SLC25A34: variants seen among roughly 807,000 people sequenced by gnomAD.
The protein encoded by SLC25A34 is solute carrier family 25, member 34.
Under a neutral mutation model 28.1 loss-of-function variants are expected in SLC25A34, and 26 were observed. The observed-to-expected ratio is 0.93, with a 90% CI of 0.68 to 1.28. The LOEUF is 1.28. SLC25A34 is among the 50% of genes most tolerant of loss of function. SLC25A34 has a pLI of 0.00. For missense variants in SLC25A34, 384 were observed against 409.8 expected (o/e 0.94, Z 0.54); for synonymous variants, 182 against 182.2 (o/e 1.00, Z 0.01).
Position 15,736,547 on chromosome 1 carries a change from G to C in SLC25A34, c.62G>C (p.Cys21Ser). The C allele has an allele frequency of 6.9e-7, 1 of 1,455,624 alleles. No homozygotes were observed. The highest frequency in any genetic ancestry group is 9.1e-7 in the Non-Finnish European group (1 of 1,103,564). The allele number at this position is 1,455,624 out of a possible 1,614,324, so 90.2% of individuals were successfully genotyped here. ...VLGASACCLA[C>S]VFTNPLEVVK... ...GGTGCTTCTGCCTGCTGCCTGGCCT[G>C]TGTCTTCACCAACCCCCTGGAGGTG... Residue 21 changes from cysteine (C) to serine (S), a missense_variant, in exon 1 of 5, where the codon TGT (cysteine) becomes TCT (serine). Cys to Ser is a moderately radical substitution (Grantham distance 112). Coordinates refer to ENST00000294454, the MANE Select transcript of SLC25A34 (RefSeq NM_207348.3).
rs1469934494 is a variant in SLC25A34, at chr1:15,736,650, C to T, written c.165C>T (p.Ala55=). Residue 55 remains alanine (A), a synonymous_variant, in exon 1 of 5, where the codon GCC becomes GCT. Coordinates refer to ENST00000294454, the MANE Select transcript of SLC25A34 (RefSeq NM_207348.3). Reference sequence around the variant, plus strand: ...CACGGCCCTACCATGGCTTCATAGCCTCTGTCGCTGCTGTGGCCCGAGCAG... The same window carrying T: ...CACGGCCCTACCATGGCTTCATAGCTTCTGTCGCTGCTGTGGCCCGAGCAG... ...TYPRPYHGFI[A]SVAAVARADG... is the part of the protein sequence containing the mutation. The T allele has an allele frequency of 1.3e-6, 2 of 1,594,724 alleles. No homozygotes were observed. The highest frequency in any genetic ancestry group is 1.3e-5 in the African/African-American group (1 of 74,376).
Position 15,739,521 on chromosome 1 carries a change from G to A in SLC25A34, c.*115G>A. 7.8e-7 allele frequency: 1 copy of A among 1,282,338 alleles called. No homozygotes were observed. Among genetic ancestry groups the A allele is most frequent in the Non-Finnish European group, 1.0e-6 (1 of 966,340 alleles). The allele number at this position is 1,282,338 out of a possible 1,614,324, so 79.4% of individuals were successfully genotyped here. On this transcript the variant is annotated 3_prime_UTR_variant, in exon 5 of 5. Coordinates refer to ENST00000294454, the MANE Select transcript of SLC25A34 (RefSeq NM_207348.3). ...GCCATGGGCCCAGGCCCTGCCAGAG[G>A]TCCCGGGAGAGTGTGGACAGCTCTG...
At chr1:15,738,033 A>G (rs1252895549) in intron 2 of SLC25A34, 39 bp downstream of exon 2, 2 of 1,613,700 alleles carry the variant, frequency 1.2e-6, no homozygotes, top group South Asian at 2.2e-5. Flanking sequence ...GGGGGCATGG[A>G]TTGGGCATGC....
intron 3 of SLC25A34, 75 bp from the exon 4 acceptor site, chr1:15,738,519 G>C: frequency 6.5e-7 from 1 of 1,546,058 alleles, no homozygotes; most frequent in Non-Finnish European, 8.7e-7. Context: ...CCCCTGTGTG[G>C]TAGGAGGCCG....
chr1:15,736,580 C>T lies in SLC25A34; in HGVS notation c.95C>T (p.Thr32Met), dbSNP rs371675800. 4.0e-5 allele frequency: 61 copies of T among 1,516,108 alleles called. No homozygotes were observed. The highest frequency in any genetic ancestry group is 7.4e-5 in the East Asian group (3 of 40,624). 93.9% of individuals were successfully genotyped at this position (1,516,108 alleles called of 1,614,324 possible). The change falls in exon 1 of 5, where the codon ACG (threonine) becomes ATG (methionine). Residue 32 changes from threonine (T) to methionine (M), a missense_variant. Transcript: ENST00000294454. Reference protein sequence around the residue: ...VFTNPLEVVKTRLQLQGELQA... With the variant: ...VFTNPLEVVKMRLQLQGELQA... ...ACCAACCCCCTGGAGGTGGTGAAGACGCGGCTGCAGCTGCAGGGGGAGCTG... is the reference window on the plus strand; with the variant it reads ...ACCAACCCCCTGGAGGTGGTGAAGATGCGGCTGCAGCTGCAGGGGGAGCTG...
chr1:15,739,379 T>G lies in SLC25A34; in HGVS notation c.888T>G (p.Ala296=), dbSNP rs1017665507. The G allele has an allele frequency of 1.2e-5, 19 of 1,561,546 alleles. No homozygotes were observed. The highest frequency in any genetic ancestry group is 1.6e-5 in the Non-Finnish European group (19 of 1,154,276). Residue 296 remains alanine (A), a synonymous_variant, in exon 5 of 5, where the codon GCT becomes GCG. Coordinates refer to ENST00000294454, the MANE Select transcript of SLC25A34 (RefSeq NM_207348.3). ...MLFWDELRKL[A]GRAQHKGT is the part of the protein sequence containing the mutation. ...TCTGGGACGAGCTTCGGAAACTGGC[T>G]GGGCGGGCCCAGCACAAGGGCACCT...
chr1:15,736,976 C>G, intron 1 of SLC25A34, 113 bp downstream of exon 1: 86 of 1,173,484 alleles, frequency 7.3e-5, no homozygotes, highest in Non-Finnish European at 8.5e-5. Context: ...GTGGGGCAGC[C>G]GGGGTGGGGC....
In SLC25A34 at chr1:15,738,137, C is replaced by T. The variant is rs749352608; in HGVS notation, c.489C>T (p.Leu163=). 1 of 1,607,688 alleles carries T rather than the reference C, an allele frequency of 6.2e-7. No individual in the cohort carries two copies. The highest frequency in any genetic ancestry group is 1.3e-5 in the African/African-American group (1 of 74,922). The change falls in exon 3 of 5, where the codon CTC becomes CTT. Residue 163 remains leucine (L), a synonymous_variant. Coordinates refer to ENST00000294454, the MANE Select transcript of SLC25A34 (RefSeq NM_207348.3). ...AGACCATCTGGCGGCAGCAAGGGCT[C>T]TTGGGGCTGTGGCAGGGCGTTGGTG... is the stretch of plus-strand genomic sequence containing the variant. ...ALETIWRQQG[L]LGLWQGVGGA... is the part of the protein sequence containing the mutation.
Position 15,736,564 on chromosome 1 carries a change from C to G in SLC25A34, c.79C>G (p.Leu27Val). Reference sequence around the variant, plus strand: ...CCTGGCCTGTGTCTTCACCAACCCCCTGGAGGTGGTGAAGACGCGGCTGCA... The same window carrying G: ...CCTGGCCTGTGTCTTCACCAACCCCGTGGAGGTGGTGAAGACGCGGCTGCA... ...CCLACVFTNP[L>V]EVVKTRLQLQ... Residue 27 changes from leucine (L) to valine (V), a missense_variant, in exon 1 of 5, where the codon CTG becomes GTG. Physicochemically the swap from Leu to Val is conservative, Grantham distance 32. Transcript: ENST00000294454. 6.7e-7 allele frequency: 1 copy of G among 1,497,706 alleles called. No homozygotes were observed. The highest frequency in any genetic ancestry group is 1.3e-5 in the South Asian group (1 of 74,710). 92.8% of individuals were successfully genotyped at this position (1,497,706 alleles called of 1,614,324 possible). A position where few individuals can be genotyped will look rare whatever the true frequency, so the allele number is the denominator to read the frequency against.
In SLC25A34 at chr1:15,736,571, T is replaced by G. The variant is rs1342061101; in HGVS notation, c.86T>G (p.Val29Gly). The G allele has an allele frequency of 1.3e-6, 2 of 1,500,370 alleles. No homozygotes were observed. Among genetic ancestry groups the G allele is most frequent in the Middle Eastern group, 4.0e-4 (2 of 5,010 alleles). 92.9% of individuals were successfully genotyped at this position (1,500,370 alleles called of 1,614,324 possible). The change falls in exon 1 of 5, where the codon GTG becomes GGG. Residue 29 changes from valine (V) to glycine (G), a missense_variant. Coordinates refer to ENST00000294454, the MANE Select transcript of SLC25A34 (RefSeq NM_207348.3). Reference sequence around the variant, plus strand: ...TGTGTCTTCACCAACCCCCTGGAGGTGGTGAAGACGCGGCTGCAGCTGCAG... The same window carrying G: ...TGTGTCTTCACCAACCCCCTGGAGGGGGTGAAGACGCGGCTGCAGCTGCAG... ...LACVFTNPLE[V>G]VKTRLQLQGE...
At chr1:15,737,674 AC>A (rs2068238067) in intron 1 of SLC25A34, 1 of 541,350 alleles carries the variant, frequency 1.8e-6, no homozygotes, top group African/African-American at 1.9e-5. Context: ...AATCCTCAGA[AC>A]AGCTTTCCAA....
rs752359929 is a variant in SLC25A34, at chr1:15,736,427, A to G, written c.-59A>G. 2 of 1,374,232 alleles carry G rather than the reference A, an allele frequency of 1.5e-6. No individual in the cohort carries two copies. Among genetic ancestry groups the G allele is most frequent in the Non-Finnish European group, 1.9e-6 (2 of 1,068,538 alleles). 85.1% of individuals were successfully genotyped at this position (1,374,232 alleles called of 1,614,324 possible). A position where few individuals can be genotyped will look rare whatever the true frequency, so the allele number is the denominator to read the frequency against. On this transcript the variant is annotated 5_prime_UTR_variant, in exon 1 of 5. Transcript: ENST00000294454. Reference sequence around the variant, plus strand: ...GGTTACAGACAGCCTAAACGCCACCACCACAGGGCCTGTGCCGTGCCCCTG... The same window carrying G: ...GGTTACAGACAGCCTAAACGCCACCGCCACAGGGCCTGTGCCGTGCCCCTG...
chr1:15,737,582 AGG>A (rs1322062056), intron 1 of SLC25A34, among the ~76,000 whole-genome samples: 3 of 146,858 alleles, frequency 2.0e-5, no homozygotes, highest in African/African-American at 7.9e-5. Flanking sequence ...AAAAAAAAAA[AGG>A]AAAGAAAGAA....
At position 15,736,366 on chromosome 1, in the gene SLC25A34, C is replaced by T. The variant is rs552661523; in HGVS notation, c.-120C>T. On this transcript the variant is annotated 5_prime_UTR_variant, in exon 1 of 5. Coordinates refer to ENST00000294454, the MANE Select transcript of SLC25A34 (RefSeq NM_207348.3). ...GACCCTTACCCTCTAGACATGGCCT[C>T]GGTCCCCTGCAAACCCCAGCCCCGT... 2.3e-4 allele frequency: 260 copies of T among 1,137,334 alleles called. No individual in the cohort carries two copies. Among genetic ancestry groups the T allele is most frequent in the African/African-American group, 1.6e-3 (98 of 61,892 alleles). 70.5% of individuals were successfully genotyped at this position (1,137,334 alleles called of 1,614,324 possible).
intron 4 of SLC25A34, 122 bp downstream of exon 4, chr1:15,738,850 A>G: frequency 7.8e-7 from 1 of 1,289,954 alleles, no homozygotes. Context: ...ACACGCAGAC[A>G]CAGGCCAGGT....
Position 15,738,720 on chromosome 1 carries a change from G to A in SLC25A34, c.724G>A (p.Ala242Thr). 6.3e-7 allele frequency: 1 copy of A among 1,575,158 alleles called. No homozygotes were observed. The change falls in exon 4 of 5, where the codon GCT becomes ACT. Residue 242 changes from alanine to threonine, a missense_variant. Coordinates refer to ENST00000294454, the MANE Select transcript of SLC25A34 (RefSeq NM_207348.3). ...GCTATACAATCAGCCGGTGGACACA[G>A]CTGGCAGGGTGAGCAGGGGCGGGTC... ...TRLYNQPVDT[A>T]GRGQLYGGLT...
chr1:15,736,960 G>C, intron 1 of SLC25A34, 97 bp downstream of exon 1: 1 of 1,404,252 alleles, frequency 7.1e-7, no homozygotes, highest in Non-Finnish European at 9.3e-7. Flanking sequence ...AGTGGACCTG[G>C]GTGGGGTGGG....
Position 15,738,819 on chromosome 1 carries a change from C to T in SLC25A34, c.732+91C>T, listed in dbSNP as rs1220758758. 3 of 1,391,646 alleles carry T rather than the reference C, an allele frequency of 2.2e-6. No individual in the cohort carries two copies. In the African/African-American group the frequency reaches 4.4e-5, roughly 20 times the overall value. 86.2% of individuals were successfully genotyped at this position (1,391,646 alleles called of 1,614,324 possible). A position where few individuals can be genotyped will look rare whatever the true frequency, so the allele number is the denominator to read the frequency against. On this transcript the variant is annotated intron_variant, in intron 4 of 4. Coordinates refer to ENST00000294454, the MANE Select transcript of SLC25A34 (RefSeq NM_207348.3). Reference sequence around the variant, plus strand: ...ACACACACACTCTCACACACTCACACTCACACATGCACAGCCAGAGACACG... The same window carrying T: ...ACACACACACTCTCACACACTCACATTCACACATGCACAGCCAGAGACACG...
intron 3 of SLC25A34, 152 bp downstream of exon 3, chr1:15,738,397 G>A (rs1569592218): frequency 7.6e-7 from 1 of 1,314,840 alleles, no homozygotes; most frequent in South Asian, 1.5e-5. Context: ...CTTGGTACCA[G>A]CAGGAGTGTG....
Sources: gnomAD v4.1 joint callset for allele counts (sites outside exome capture counted in the v4.1 genomes callset) on GRCh38, gnomAD v4.1.1 for gene constraint, MANE v1.5 for transcripts, NCBI Gene and HGNC (gene_info 2026-07-23, HGNC 2026-07-21) for gene names.